BMPER: variants seen among roughly 807,000 people sequenced by gnomAD.
The protein encoded by BMPER is BMP binding endothelial regulator.
A neutral mutation model predicts 87.3 loss-of-function variants in BMPER; 45 were observed. The observed-to-expected ratio is 0.52, with a 90% confidence interval of 0.41 to 0.66. The LOEUF is 0.66. BMPER is among the 30% of genes least tolerant of loss of function. The pLI is 0.00. For synonymous variants in BMPER, 326 were observed against 316.2 expected (o/e 1.03, Z -0.33); for missense variants, 784 against 867.5 (o/e 0.90, Z 1.21).
At chr7:34,134,171 A>G (rs915789707) in intron 13 of BMPER, among the ~76,000 whole-genome samples, 4 of 152,164 alleles carry the variant, frequency 2.6e-5, no homozygotes, top group Admixed American at 2.6e-4. Flanking sequence ...ACAGGGGTTT[A>G]GTTCACCAGC....
intron 6 of BMPER, among the ~76,000 whole-genome samples, chr7:33,994,593 C>CA (rs1786346953): frequency 6.6e-6 from 1 of 152,222 alleles, no homozygotes; most frequent in Non-Finnish European, 1.5e-5. Context: ...GCGTCACTCA[C>CA]GCTGGGAGCT....
chr7:33,929,901 TA>T (rs1784442516), intron 2 of BMPER, among the ~76,000 whole-genome samples: 1 of 152,254 alleles, frequency 6.6e-6, no homozygotes, highest in African/African-American at 2.4e-5. Flanking sequence ...TGGAAAACAC[TA>T]TGTTACTTCA....
intron 6 of BMPER, among the ~76,000 whole-genome samples, chr7:34,024,763 T>C (rs1379724740): frequency 1.3e-5 from 2 of 151,988 alleles, no homozygotes; most frequent in Non-Finnish European, 2.9e-5. Context: ...CTAATGCTAA[T>C]AATAATACAA....
chr7:33,905,374 AG>A, upstream of BMPER: 1 of 419,088 alleles, frequency 2.4e-6, no homozygotes, highest in Non-Finnish European at 4.4e-6. Context: ...AAAAAAAAAA[AG>A]CCGCATCGGA....
chr7:33,990,357 A>G (rs1440084814), intron 6 of BMPER, among the ~76,000 whole-genome samples: 3 of 138,110 alleles, frequency 2.2e-5, no homozygotes, highest in Admixed American at 7.6e-5. Context: ...ATTCCTAGGT[A>G]TTTTATTCTC....
intron 6 of BMPER, among the ~76,000 whole-genome samples, chr7:33,986,853 A>G (rs180744772): frequency 1.0e-3 from 152 of 152,332 alleles, no homozygotes; most frequent in African/African-American, 3.4e-3. Context: ...TTTGTCCATT[A>G]TTAGCCAGAT....
In BMPER at chr7:34,057,845, C is replaced by T. The variant is rs202223877; in HGVS notation, c.928-214C>T. 2.1e-4 allele frequency among the ~76,000 whole-genome samples: 32 copies of T among 152,118 alleles called. No individual in the cohort carries two copies. The East Asian group carries it at 6.2e-3, about 29-fold the overall frequency. On this transcript the variant is annotated intron_variant, in intron 9 of 14. Transcript: ENST00000649409. ...CCAGGAGGGGGAACACACACACACACACACACACACACATGCTTGCACACA... is the reference window on the plus strand; with the variant it reads ...CCAGGAGGGGGAACACACACACACATACACACACACACATGCTTGCACACA...
chr7:33,951,172 C>T (rs1043737180), intron 3 of BMPER, among the ~76,000 whole-genome samples: 4 of 151,868 alleles, frequency 2.6e-5, no homozygotes, highest in South Asian at 4.2e-4. Flanking sequence ...CTCAGTCTTC[C>T]GAGTAGCTGG....
At chr7:34,031,919 TATATATATAC>T (rs1373542368) in intron 6 of BMPER, among the ~76,000 whole-genome samples, 79 of 119,614 alleles carry the variant, frequency 6.6e-4, no homozygotes, top group African/African-American at 2.5e-3. Context: ...TATATATATA[TATATATATAC>T]ACACACACAC....
chr7:33,989,976 T>A (rs945561985), intron 6 of BMPER, among the ~76,000 whole-genome samples: 4 of 152,128 alleles, frequency 2.6e-5, no homozygotes, highest in Non-Finnish European at 4.4e-5. Context: ...TTGATCTGTA[T>A]CTCTGTTTTG....
intron 6 of BMPER, among the ~76,000 whole-genome samples, chr7:33,999,955 G>C (rs935252150): frequency 2.6e-5 from 4 of 152,184 alleles, no homozygotes; most frequent in African/African-American, 9.7e-5. Flanking sequence ...CTCTAGGGGA[G>C]AGTGCCATAA....
chr7:33,947,164 C>A (rs1375423901), intron 3 of BMPER, among the ~76,000 whole-genome samples: 1 of 152,118 alleles, frequency 6.6e-6, no homozygotes, highest in African/African-American at 2.4e-5. Flanking sequence ...CAAATGAGAT[C>A]ATCAGGAGTC....
intron 6 of BMPER, among the ~76,000 whole-genome samples, chr7:34,010,987 A>T (rs969754993): frequency 2.0e-5 from 3 of 151,942 alleles, no homozygotes; most frequent in Non-Finnish European, 4.4e-5. Context: ...CTTGAATTTA[A>T]GAGGAATTTC....
intron 2 of BMPER, among the ~76,000 whole-genome samples, chr7:33,935,909 G>T (rs1298499692): frequency 6.6e-6 from 1 of 152,164 alleles, no homozygotes; most frequent in East Asian, 1.9e-4. Context: ...CTGTGCCTCA[G>T]TTGGCCTTGC....
chr7:34,108,165 C>G (rs1789871714), intron 13 of BMPER, among the ~76,000 whole-genome samples: 1 of 152,122 alleles, frequency 6.6e-6, no homozygotes, highest in African/African-American at 2.4e-5. Context: ...TTCCATAAGT[C>G]CAATTATTAA....
chr7:34,112,397 G>A (rs1269356058), intron 13 of BMPER, among the ~76,000 whole-genome samples: 1 of 151,296 alleles, frequency 6.6e-6, no homozygotes, highest in Non-Finnish European at 1.5e-5. Context: ...TCGGGAGGCT[G>A]AGGCAGGAGA....
At chr7:34,052,314 A>G (rs1471611973) in intron 8 of BMPER, among the ~76,000 whole-genome samples, 1 of 152,182 alleles carries the variant, frequency 6.6e-6, no homozygotes, top group Non-Finnish European at 1.5e-5. Context: ...GGCAATAAAA[A>G]TTGCTTTTAA....
intron 12 of BMPER, 29 bp downstream of exon 12, chr7:34,079,215 C>G (rs1177751966): frequency 6.2e-7 from 1 of 1,611,884 alleles, no homozygotes; most frequent in Admixed American, 1.7e-5. Context: ...CCCTCTTGCT[C>G]TAGCCTCCGC....
chr7:34,012,380 T>C (rs771684781), intron 6 of BMPER, among the ~76,000 whole-genome samples: 1 of 151,978 alleles, frequency 6.6e-6, no homozygotes, highest in Non-Finnish European at 1.5e-5. Flanking sequence ...AATGTTGGTA[T>C]CCAGAAGGAA....
Sources: allele counts gnomAD v4.1 joint callset (sites outside exome capture counted in the v4.1 genomes callset), GRCh38; gene constraint gnomAD v4.1.1; transcripts MANE v1.5; gene names NCBI Gene and HGNC (gene_info 2026-07-23, HGNC 2026-07-21).